The following HTD2 variants were observed in gnomAD, a reference collection of about 807,000 sequenced individuals.
HTD2 encodes the protein hydroxyacyl-thioester dehydratase type 2.
In HTD2, 1 loss-of-function variant was observed where a neutral mutation model predicts 3.1. The ratio of observed to expected loss-of-function variants is 0.32; its 90% CI spans 0.11 to 1.52. HTD2 has a LOEUF of 1.52. Among genes scored for constraint, HTD2 ranks in the 40% most tolerant of loss-of-function variants. The pLI, the probability that HTD2 is intolerant of heterozygous loss-of-function variation, is 0.39. For synonymous variants in HTD2, 50 were observed against 28.9 expected, an observed-to-expected ratio of 1.73 and a Z score of -2.34; for missense variants, 150 against 79.6, an observed-to-expected ratio of 1.88 and a Z score of -3.36.
At chr3:58,308,407 TG>T (rs1484706390) in intron 1 of HTD2, among the ~76,000 whole-genome samples, 6 of 152,092 alleles carry the variant, frequency 3.9e-5, no homozygotes, top group Non-Finnish European at 7.4e-5. Context: ...CCTCAGCCCC[TG>T]GAGTAGCTGG....
upstream of HTD2, chr3:58,306,452 T>C (rs1231747806): frequency 2.6e-5 from 4 of 152,296 alleles, no homozygotes; most frequent in Non-Finnish European, 5.9e-5. Flanking sequence ...GGCGGTTGTC[T>C]GGGAGCCGTC....
intron 2 of HTD2, among the ~76,000 whole-genome samples, chr3:58,310,885 A>G (rs1222934137): frequency 1.3e-4 from 19 of 151,200 alleles, no homozygotes; most frequent in Non-Finnish European, 1.5e-5. Flanking sequence ...AGCCGAGATA[A>G]CGCCACTGCA....
chr3:58,307,194 G>A lies in HTD2; in HGVS notation c.-416+543G>A, dbSNP rs75634482. 4.7e-3 allele frequency among the ~76,000 whole-genome samples: 711 copies of A among 152,338 alleles called. 5 individuals carry two copies. Among genetic ancestry groups the A allele is most frequent in the African/African-American group, 0.016 (680 of 41,586 alleles). ...AATGGCAGGACATGAAGTCAGAGGT[G>A]TAGAGGGAGCAGTCCTGCAGGTGAG... is the stretch of plus-strand genomic sequence containing the variant. On this transcript the variant is annotated intron_variant, in intron 1 of 4. Transcript: ENST00000461393.
intron 2 of HTD2, among the ~76,000 whole-genome samples, chr3:58,315,266 A>C (rs929660143): frequency 4.6e-5 from 7 of 152,154 alleles, no homozygotes; most frequent in African/African-American, 1.7e-4. Context: ...AATTATGCTG[A>C]GCGAAAAAAA....
intron 1 of HTD2, among the ~76,000 whole-genome samples, chr3:58,307,462 G>A (rs2097476708): frequency 6.6e-6 from 1 of 152,222 alleles, no homozygotes; most frequent in African/African-American, 2.4e-5. Context: ...GGTGGCTCAT[G>A]CCTGTAATCC....
intron 2 of HTD2, among the ~76,000 whole-genome samples, chr3:58,313,365 C>T (rs368406538): frequency 6.6e-6 from 1 of 152,192 alleles, no homozygotes; most frequent in African/African-American, 2.4e-5. Flanking sequence ...CATAGACCAG[C>T]ATTTTAAGCA....
In HTD2 at chr3:58,318,062, A is replaced by G; in HGVS notation, c.449A>G (p.Lys150Arg). The G allele has an allele frequency of 1.5e-6, 1 of 688,988 alleles. No homozygotes were observed. 42.7% of individuals were successfully genotyped at this position (688,988 alleles called of 1,614,324 possible). The change falls in exon 5 of 5, where the codon AAA (lysine) becomes AGA (arginine). Residue 150 changes from lysine (K) to arginine (R), a missense_variant. By Grantham distance (26) the Lys-to-Arg change is conservative (BLOSUM62 2). Transcript: ENST00000461393. ...GTGTCATGTTCTGTAATAGAAAGTAAAAAGACTGTTATGGAAGGCTGGGTT... is the reference window on the plus strand; with the variant it reads ...GTGTCATGTTCTGTAATAGAAAGTAGAAAGACTGTTATGGAAGGCTGGGTT... ...IAVSCSVIES[K>R]KTVMEGWVKV...
At position 58,310,537 on chromosome 3, in the gene HTD2, T is replaced by C; in HGVS notation, c.-385T>C. On this transcript the variant is annotated 5_prime_UTR_variant, in exon 2 of 5. The change abolishes an upstream ATG in the 5' untranslated region. Coordinates refer to ENST00000461393, the MANE Select transcript of HTD2 (RefSeq NM_001348712.2). ...TTCAAGATTGTGGAGTTGGACTGAA[T>C]GCTGCACAGTTCAAACAGCTGCTTA... 6.2e-7 allele frequency: 1 copy of C among 1,613,394 alleles called. No individual in the cohort carries two copies. Among genetic ancestry groups the C allele is most frequent in the Non-Finnish European group, 8.5e-7 (1 of 1,179,824 alleles).
chr3:58,316,510 T>G lies in HTD2; in HGVS notation c.-330-5T>G. The G allele has an allele frequency of 6.2e-7, 1 of 1,612,252 alleles. No homozygotes were observed. Among genetic ancestry groups the G allele is most frequent in the Non-Finnish European group, 8.5e-7 (1 of 1,178,310 alleles). ...AGCCTGCTAATAGCATTATTCCATA[T>G]GCAGGTTGATGCCGCCTTACCTTTG... On this transcript the variant is annotated splice_region_variant and splice_polypyrimidine_tract_variant and intron_variant, in intron 2 of 4. Coordinates refer to ENST00000461393, the MANE Select transcript of HTD2 (RefSeq NM_001348712.2).
In HTD2 at chr3:58,310,979, AAAT is replaced by A. The variant is rs1426128797; in HGVS notation, c.-331+391_-331+393del. On this transcript the variant is annotated intron_variant, in intron 2 of 4. Transcript: ENST00000461393. ...TTTTCAAACATCAAAAAAAAAAAAA[AAAT>A]AAATTATACAACTCTGTATTTTTAA... 7.9e-3 allele frequency among the ~76,000 whole-genome samples: 1,188 copies of A among 150,704 alleles called. 16 individuals are homozygous for A. The highest frequency in any genetic ancestry group is 0.027 in the African/African-American group (1,107 of 40,838).
chr3:58,313,087 C>T (rs903776334), intron 2 of HTD2, among the ~76,000 whole-genome samples: 1 of 151,630 alleles, frequency 6.6e-6, no homozygotes. Context: ...CACGGTGAAA[C>T]CCTGTCTCTA....
intron 1 of HTD2, among the ~76,000 whole-genome samples, chr3:58,308,474 TTA>T (rs1395078386): frequency 4.6e-5 from 7 of 152,054 alleles, no homozygotes; most frequent in Admixed American, 4.6e-4. Flanking sequence ...GTTTTTTTTT[TTA>T]GTGACAGGGT....
chr3:58,315,188 A>G (rs2097486994), intron 2 of HTD2, among the ~76,000 whole-genome samples: 1 of 152,178 alleles, frequency 6.6e-6, no homozygotes, highest in South Asian at 2.1e-4. Context: ...GTACATTCCT[A>G]CTATGGAATA....
At chr3:58,306,483 C>G (rs2097474697), upstream of HTD2, 1 of 152,300 alleles carries the variant, frequency 6.6e-6, no homozygotes, top group Non-Finnish European at 1.5e-5. Flanking sequence ...GCGACCCGGG[C>G]GCATGCGCGG....
chr3:58,316,380 A>T, intron 2 of HTD2, 135 bp from the exon 3 acceptor site: 2 of 740,836 alleles, frequency 2.7e-6, no homozygotes, highest in East Asian at 5.3e-5. Context: ...GTAGGCAACT[A>T]AAGTGCCAGC....
intron 2 of HTD2, among the ~76,000 whole-genome samples, chr3:58,314,466 C>T (rs1166616356): frequency 6.6e-6 from 1 of 152,058 alleles, no homozygotes; most frequent in Admixed American, 6.6e-5. Flanking sequence ...GTGTGGTTGG[C>T]AAAGAAGCAC....
In HTD2 at chr3:58,316,934, A is replaced by C; in HGVS notation, c.-234A>C. The C allele has an allele frequency of 6.2e-7, 1 of 1,613,786 alleles. No homozygotes were observed. The highest frequency in any genetic ancestry group is 1.1e-5 in the South Asian group (1 of 91,042). Reference sequence around the variant, plus strand: ...CTGCAGTGGTCTTGTCAAATTGTGGAGCTCTTTGACCCTGTTAGGATCCTA... The same window carrying C: ...CTGCAGTGGTCTTGTCAAATTGTGGCGCTCTTTGACCCTGTTAGGATCCTA... On this transcript the variant is annotated 5_prime_UTR_variant, in exon 4 of 5. Coordinates refer to ENST00000461393, the MANE Select transcript of HTD2 (RefSeq NM_001348712.2).
At chr3:58,312,465 T>G (rs139675412) in intron 2 of HTD2, among the ~76,000 whole-genome samples, 113 of 152,054 alleles carry the variant, frequency 7.4e-4, no homozygotes, top group African/African-American at 2.5e-3. Context: ...AAACTGTGTT[T>G]GAAATTGCAG....
chr3:58,316,433 A>T (rs191569433), intron 2 of HTD2, 82 bp from the exon 3 acceptor site: 19 of 1,310,744 alleles, frequency 1.4e-5, no homozygotes, highest in Non-Finnish European at 2.1e-5. Context: ...GAAAAGCTCA[A>T]AACTCATTTG....
Sources: allele counts gnomAD v4.1 joint callset (sites outside exome capture counted in the v4.1 genomes callset), GRCh38; gene constraint gnomAD v4.1.1; transcripts MANE v1.5; gene names NCBI Gene and HGNC (gene_info 2026-07-23, HGNC 2026-07-21).